Variants in DGKI observed in about 807,000 individuals in gnomAD.
The protein encoded by DGKI is DAG kinase iota.
Under a neutral mutation model 147.5 loss-of-function variants are expected in DGKI, and 55 were observed. The observed-to-expected ratio is 0.37, with a 90% CI of 0.30 to 0.47. DGKI has a LOEUF of 0.47. DGKI is among the 20% of genes least tolerant of loss of function. The pLI is 1.00. For synonymous variants in DGKI, 469 were observed against 477.1 expected, an observed-to-expected ratio of 0.98 and a Z score of 0.22; for missense variants, 1,007 against 1,323.8, an observed-to-expected ratio of 0.76 and a Z score of 3.71.
intron 21 of DGKI, among the ~76,000 whole-genome samples, chr7:137,505,351 C>G (rs1318708310): frequency 3.3e-5 from 5 of 152,000 alleles, no homozygotes; most frequent in Non-Finnish European, 7.4e-5. Flanking sequence ...CAGCAAGGCT[C>G]ACCAGATCAA....
intron 27 of DGKI, among the ~76,000 whole-genome samples, chr7:137,450,107 G>C (rs1427025999): frequency 6.6e-6 from 1 of 152,188 alleles, no homozygotes; most frequent in Non-Finnish European, 1.5e-5. Context: ...GAGTAGAATG[G>C]AGGTTACCAG....
At chr7:137,503,752 A>G (rs978780387) in intron 21 of DGKI, among the ~76,000 whole-genome samples, 2 of 152,170 alleles carry the variant, frequency 1.3e-5, no homozygotes, top group Non-Finnish European at 2.9e-5. Flanking sequence ...TAAAGGCCCA[A>G]TGTACTGAGA....
intron 10 of DGKI, among the ~76,000 whole-genome samples, chr7:137,606,322 GA>G (rs997003701): frequency 5.3e-5 from 8 of 149,642 alleles, no homozygotes; most frequent in African/African-American, 2.0e-4. Context: ...TAAAAAAAAA[GA>G]AAAAAAAAGT....
intron 1 of DGKI, among the ~76,000 whole-genome samples, chr7:137,838,969 A>C (rs1428799707): frequency 2.6e-5 from 4 of 152,210 alleles, no homozygotes; most frequent in Non-Finnish European, 4.4e-5. Flanking sequence ...GAAGAGAAAT[A>C]ACCTCTGTCC....
intron 1 of DGKI, among the ~76,000 whole-genome samples, chr7:137,822,665 G>A (rs1304408027): frequency 6.6e-6 from 1 of 151,966 alleles, no homozygotes; most frequent in Non-Finnish European, 1.5e-5. Flanking sequence ...CCAATGTAAA[G>A]AGAAGCTATC....
chr7:137,748,758 C>A (rs1466694812), intron 1 of DGKI, among the ~76,000 whole-genome samples: 1 of 152,182 alleles, frequency 6.6e-6, no homozygotes, highest in Non-Finnish European at 1.5e-5. Flanking sequence ...TCCCATCACA[C>A]AGATCATGAT....
intron 1 of DGKI, among the ~76,000 whole-genome samples, chr7:137,770,473 A>G (rs756311049): frequency 6.6e-6 from 1 of 152,158 alleles, no homozygotes; most frequent in African/African-American, 2.4e-5. Flanking sequence ...CCCAAAACTT[A>G]TAAGTAAAAC....
At chr7:137,813,887 T>A (rs1326899269) in intron 1 of DGKI, among the ~76,000 whole-genome samples, 1 of 152,174 alleles carries the variant, frequency 6.6e-6, no homozygotes, top group African/African-American at 2.4e-5. Flanking sequence ...TTGAGTGAGA[T>A]GTGGGCAAAT....
chr7:137,474,059 T>C (rs1815082018), intron 23 of DGKI, among the ~76,000 whole-genome samples: 1 of 152,166 alleles, frequency 6.6e-6, no homozygotes, highest in African/African-American at 2.4e-5. Flanking sequence ...TTCCACCTTG[T>C]TCCTTTAAGA....
At chr7:137,749,418 T>C (rs1036813901) in intron 1 of DGKI, among the ~76,000 whole-genome samples, 1 of 152,166 alleles carries the variant, frequency 6.6e-6, no homozygotes, top group Non-Finnish European at 1.5e-5. Flanking sequence ...GTCTCAGGCA[T>C]CAAAAAGCTT....
At chr7:137,572,095 T>C (rs561975563) in intron 18 of DGKI, among the ~76,000 whole-genome samples, 2 of 152,352 alleles carry the variant, frequency 1.3e-5, no homozygotes, top group Admixed American at 6.5e-5. Flanking sequence ...TTAAATTCAG[T>C]CTAAATACAA....
At chr7:137,792,037 A>G (rs1796869503) in intron 1 of DGKI, among the ~76,000 whole-genome samples, 2 of 152,360 alleles carry the variant, frequency 1.3e-5, no homozygotes, top group African/African-American at 4.8e-5. Context: ...CAGAGAAAAG[A>G]GAGTGTCTTT....
At chr7:137,659,698 T>C (rs1050247069) in intron 3 of DGKI, among the ~76,000 whole-genome samples, 2 of 152,186 alleles carry the variant, frequency 1.3e-5, no homozygotes, top group Non-Finnish European at 2.9e-5. Context: ...TCTGGGAGGC[T>C]GAGGCGGGCG....
At chr7:137,599,742 A>T in intron 11 of DGKI, 81 bp downstream of exon 11, 1 of 1,265,424 alleles carries the variant, frequency 7.9e-7, no homozygotes. Flanking sequence ...GATATACCTC[A>T]CAAGGTAATC....
At chr7:137,395,792 C>T in intron 31 of DGKI, 95 bp from the exon 32 acceptor site, 5 of 1,123,162 alleles carry the variant, frequency 4.5e-6, no homozygotes, top group Non-Finnish European at 6.6e-6. Context: ...CCTCAGCCTC[C>T]TTCCCTGTAG....
intron 1 of DGKI, among the ~76,000 whole-genome samples, chr7:137,781,953 A>T (rs968581212): frequency 2.6e-5 from 4 of 152,164 alleles, no homozygotes; most frequent in Non-Finnish European, 5.9e-5. Flanking sequence ...TACCACTGTC[A>T]ATTAAGATGG....
At chr7:137,768,599 G>C (rs928882896) in intron 1 of DGKI, among the ~76,000 whole-genome samples, 2 of 152,184 alleles carry the variant, frequency 1.3e-5, no homozygotes, top group African/African-American at 4.8e-5. Context: ...CCAGGGGAAA[G>C]GGAGGCAACC....
intron 25 of DGKI, 77 bp from the exon 26 acceptor site, chr7:137,466,112 T>TGCA: frequency 6.5e-7 from 1 of 1,534,880 alleles, no homozygotes; most frequent in Non-Finnish European, 8.9e-7. Context: ...AATGAAATTC[T>TGCA]GCAACGTGTC....
intron 28 of DGKI, among the ~76,000 whole-genome samples, chr7:137,423,464 T>C (rs1274327896): frequency 6.6e-6 from 1 of 152,214 alleles, no homozygotes; most frequent in Non-Finnish European, 1.5e-5. Flanking sequence ...TGATGTGGCC[T>C]GAGAGTAATG....
Sources: allele counts gnomAD v4.1 joint callset (sites outside exome capture counted in the v4.1 genomes callset), GRCh38; gene constraint gnomAD v4.1.1; transcripts MANE v1.5; gene names NCBI Gene and HGNC (gene_info 2026-07-23, HGNC 2026-07-21).